The following CSMD1 variants were observed in gnomAD, a reference collection of about 807,000 sequenced individuals.
CSMD1 encodes the protein CUB and sushi domain-containing protein 1.
In CSMD1, 213 loss-of-function variants were observed where a neutral mutation model predicts 417.5. That is an observed-to-expected ratio of 0.51 (90% CI 0.46 to 0.57). The LOEUF (loss-of-function observed/expected upper bound fraction) is 0.57. CSMD1 is among the 20% of genes least tolerant of loss of function. The pLI is 0.00. For synonymous variants in CSMD1, 2,862 were observed against 1,736.8 expected (o/e 1.65, Z -16.11); for missense variants, 6,923 against 4,529.7 (o/e 1.53, Z -15.17).
intron 1 of CSMD1, among the ~76,000 whole-genome samples, chr8:4,964,238 G>C (rs1159418575): frequency 6.6e-6 from 1 of 152,034 alleles, no homozygotes; most frequent in East Asian, 1.9e-4. Flanking sequence ...AGGCAGCCAG[G>C]TATGGTGGCT....
intron 10 of CSMD1, among the ~76,000 whole-genome samples, chr8:3,508,335 C>T (rs1398098650): frequency 6.9e-6 from 1 of 145,334 alleles, no homozygotes; most frequent in Non-Finnish European, 1.5e-5. Context: ...GGAAGGGGAA[C>T]ATCACACACG....
At chr8:4,629,180 T>C (rs1218982032) in intron 2 of CSMD1, among the ~76,000 whole-genome samples, 1 of 152,220 alleles carries the variant, frequency 6.6e-6, no homozygotes, top group Admixed American at 6.5e-5. Flanking sequence ...ATTTGTAGAA[T>C]ACATTCTTAG....
chr8:3,558,121 G>T (rs867789278), intron 10 of CSMD1, among the ~76,000 whole-genome samples: 6 of 132,622 alleles, frequency 4.5e-5, no homozygotes, highest in African/African-American at 1.6e-4. Context: ...GTGCCTCAAT[G>T]GTACCCCGTG....
chr8:3,202,469 A>T (rs893012072), intron 31 of CSMD1, among the ~76,000 whole-genome samples: 9 of 152,220 alleles, frequency 5.9e-5, no homozygotes, highest in African/African-American at 1.7e-4. Context: ...CAAGTGAAAC[A>T]TAACTACATG....
chr8:4,037,723 T>C (rs569959180), intron 3 of CSMD1, among the ~76,000 whole-genome samples: 1 of 152,300 alleles, frequency 6.6e-6, no homozygotes, highest in East Asian at 1.9e-4. Flanking sequence ...TCTCCAAATA[T>C]CTGTTCTTTA....
intron 37 of CSMD1, among the ~76,000 whole-genome samples, chr8:3,165,910 G>C (rs1356061769): frequency 1.3e-5 from 2 of 152,142 alleles, no homozygotes; most frequent in African/African-American, 2.4e-5. Flanking sequence ...AGCCAGAAAG[G>C]AGGTGGGGGA....
intron 8 of CSMD1, among the ~76,000 whole-genome samples, chr8:3,609,878 G>C (rs902172072): frequency 1.6e-5 from 2 of 126,322 alleles, no homozygotes; most frequent in African/African-American, 5.9e-5. Context: ...AAGTGAAGTG[G>C]TGCGATCTCG....
rs1208972694 is a variant in CSMD1 at position 2,938,387 on chromosome 8, A to C, written c.*198T>G. On this transcript the variant is annotated 3_prime_UTR_variant, in exon 70 of 70. Transcript: ENST00000635120. ...ATTTAGAACCCACTTTTGGAATGAA[A>C]ACGCATGTGTAGTTTGATCCGTAGA... 1 of 498,614 alleles carries C rather than the reference A, an allele frequency of 2.0e-6. No homozygotes were observed. Among genetic ancestry groups the C allele is most frequent in the Non-Finnish European group, 3.5e-6 (1 of 289,558 alleles). The allele number at this position is 498,614 out of a possible 1,614,324, so 30.9% of individuals were successfully genotyped here. A position where few individuals can be genotyped will look rare whatever the true frequency, so the allele number is the denominator to read the frequency against.
At chr8:4,522,585 G>A (rs1236910556) in intron 2 of CSMD1, among the ~76,000 whole-genome samples, 3 of 152,104 alleles carry the variant, frequency 2.0e-5, no homozygotes, top group African/African-American at 4.8e-5. Context: ...TTCAAAACCT[G>A]TCTTTTGATA....
At chr8:4,788,193 T>A in intron 1 of CSMD1, 1 of 1,594,964 alleles carries the variant, frequency 6.3e-7, no homozygotes, top group Non-Finnish European at 8.6e-7. Flanking sequence ...TGGCATTCCA[T>A]GTGAACTTTG....
At chr8:4,658,400 CA>C (rs1804376234) in intron 1 of CSMD1, among the ~76,000 whole-genome samples, 1 of 152,018 alleles carries the variant, frequency 6.6e-6, no homozygotes, top group Non-Finnish European at 1.5e-5. Flanking sequence ...AGAGCACCTG[CA>C]AATTTCTCAT....
Position 4,990,359 on chromosome 8 carries a change from A to C in CSMD1, c.85+3973T>G, listed in dbSNP as rs111652667. ...ATACAGAGATATTAACTTCATTTTA[A>C]GGGGTTCACATTTTTTTTTTTGAGA... On this transcript the variant is annotated intron_variant, in intron 1 of 69. Transcript: ENST00000635120. 7.5e-4 allele frequency among the ~76,000 whole-genome samples: 79 copies of C among 105,754 alleles called. 1 individual carries two copies. Among genetic ancestry groups the C allele is most frequent in the African/African-American group, 3.5e-3 (72 of 20,316 alleles). 69.4% of individuals were successfully genotyped at this position (105,754 alleles called of 152,430 possible).
rs532346778 is a variant in CSMD1 at position 3,051,502 on chromosome 8, A to G, written c.7660+960T>C. Among the ~76,000 whole-genome samples, 391 of 152,310 alleles carry G rather than the reference A, an allele frequency of 2.6e-3. 1 individual carries two copies. Among genetic ancestry groups the G allele is most frequent in the African/African-American group, 9.0e-3 (373 of 41,572 alleles). Reference sequence around the variant, plus strand: ...AGACTGTCTCTTGGGTACTATGGTTATTACCTGGCTGAGGAAACTATCTCC... The same window carrying G: ...AGACTGTCTCTTGGGTACTATGGTTGTTACCTGGCTGAGGAAACTATCTCC... On this transcript the variant is annotated intron_variant, in intron 50 of 69. Coordinates refer to ENST00000635120, the MANE Select transcript of CSMD1 (RefSeq NM_033225.6).
intron 53 of CSMD1, among the ~76,000 whole-genome samples, chr8:2,999,151 T>TC (rs1168035006): frequency 7.7e-6 from 1 of 129,954 alleles, no homozygotes; most frequent in Non-Finnish European, 1.6e-5. Context: ...TTCTTTTTTT[T>TC]CCCTTTTTTT....
chr8:3,947,374 T>G (rs1811301541), intron 5 of CSMD1, among the ~76,000 whole-genome samples: 1 of 152,238 alleles, frequency 6.6e-6, no homozygotes, highest in Non-Finnish European at 1.5e-5. Context: ...TTCCTGAAAG[T>G]GACCCCAGTG....
chr8:4,164,771 G>C (rs576000039), intron 3 of CSMD1, among the ~76,000 whole-genome samples: 76 of 152,084 alleles, frequency 5.0e-4, no homozygotes, highest in African/African-American at 1.8e-3. Context: ...AGCTACCTGG[G>C]AGGCGGAGGC....
chr8:4,757,992 G>C (rs1446476584), intron 1 of CSMD1, among the ~76,000 whole-genome samples: 2 of 141,942 alleles, frequency 1.4e-5, no homozygotes, highest in Non-Finnish European at 3.1e-5. Flanking sequence ...GAAAAGAGAA[G>C]AAAGCACCAC....
intron 10 of CSMD1, among the ~76,000 whole-genome samples, chr8:3,522,233 G>T (rs1012119964): frequency 1.3e-5 from 2 of 152,070 alleles, no homozygotes; most frequent in African/African-American, 2.4e-5. Flanking sequence ...ATAAAATATT[G>T]CATATGATAT....
intron 1 of CSMD1, among the ~76,000 whole-genome samples, chr8:4,915,759 CG>C (rs780585745): frequency 6.6e-6 from 1 of 152,156 alleles, no homozygotes; most frequent in Non-Finnish European, 1.5e-5. Context: ...ATTTTCCTGG[CG>C]GGGATTCAAA....
Sources: gnomAD v4.1 joint callset for allele counts (sites outside exome capture counted in the v4.1 genomes callset) on GRCh38, gnomAD v4.1.1 for gene constraint, MANE v1.5 for transcripts, NCBI Gene and HGNC (gene_info 2026-07-23, HGNC 2026-07-21) for gene names.